POLQ: variants seen among roughly 807,000 people sequenced by gnomAD.
The protein encoded by POLQ is epididymis secretory sperm binding protein.
Under a neutral mutation model 259.2 loss-of-function variants are expected in POLQ, and 233 were observed. The ratio of observed to expected loss-of-function variants is 0.90; its 90% CI spans 0.81 to 1.00. POLQ has a LOEUF of 1.00. Ranked by LOEUF, POLQ falls within the 50% of genes least tolerant of loss-of-function variation. The pLI, the probability that POLQ is intolerant of heterozygous loss-of-function variation, is 0.00. For missense variants in POLQ, 2,871 were observed against 3,051.6 expected, an observed-to-expected ratio of 0.94 and a Z score of 1.39; for synonymous variants, 1,025 against 1,048.8, an observed-to-expected ratio of 0.98 and a Z score of 0.44.
At chr3:121,464,075 GT>G (rs1216836936) in intron 24 of POLQ, among the ~76,000 whole-genome samples, 3 of 152,078 alleles carry the variant, frequency 2.0e-5, no homozygotes, top group Non-Finnish European at 4.4e-5. Context: ...CATTTGCCAA[GT>G]ATTCAGTAAT....
intron 25 of POLQ, among the ~76,000 whole-genome samples, chr3:121,452,155 G>A (rs2047683524): frequency 6.6e-6 from 1 of 152,192 alleles, no homozygotes; most frequent in Non-Finnish European, 1.5e-5. Flanking sequence ...ATTAGGGTGG[G>A]AGTGACCCGA....
At chr3:121,452,569 G>A (rs541058604) in intron 25 of POLQ, among the ~76,000 whole-genome samples, 30 of 150,592 alleles carry the variant, frequency 2.0e-4, no homozygotes, top group Admixed American at 1.1e-3. Flanking sequence ...GTGGTTCAGT[G>A]CATGGTGACA....
At chr3:121,464,534 T>C (rs1486638324) in intron 24 of POLQ, among the ~76,000 whole-genome samples, 1 of 152,216 alleles carries the variant, frequency 6.6e-6, no homozygotes, top group Non-Finnish European at 1.5e-5. Flanking sequence ...AGTCGCTTTT[T>C]TATTTAAGTA....
At chr3:121,539,262 A>C (rs1010756299) in intron 4 of POLQ, among the ~76,000 whole-genome samples, 171 bp downstream of exon 4, 1 of 152,208 alleles carries the variant, frequency 6.6e-6, no homozygotes, top group Non-Finnish European at 1.5e-5. Flanking sequence ...GCAGCAGGAC[A>C]CAAAACTTAT....
At chr3:121,536,953 G>A in intron 5 of POLQ, 147 bp downstream of exon 5, 1 of 590,734 alleles carries the variant, frequency 1.7e-6, no homozygotes, top group Non-Finnish European at 3.0e-6. Context: ...CTGACTTCTG[G>A]AACAAAAACA....
At position 121,541,360 on chromosome 3, in the gene POLQ, A is replaced by G. The variant is rs554479634; in HGVS notation, c.463T>C (p.Tyr155His). The G allele has an allele frequency of 3.1e-6, 5 of 1,600,622 alleles. No individual in the cohort carries two copies. The African/African-American group carries it at 5.4e-5, about 17-fold the overall frequency. The change falls in exon 3 of 30, where the codon TAC becomes CAC. Residue 155 changes from tyrosine (Y) to histidine (H), a missense_variant. This residue lies in a region of POLQ where 783 missense variants were observed against 906.2 expected (regional missense o/e 0.86). Coordinates refer to ENST00000264233, the MANE Select transcript of POLQ (RefSeq NM_199420.4). ...PFVSVAKEKK[Y>H]YLQSLFQEVG... is the part of the protein sequence containing the mutation. ...GTAAAAAACATTACCTGGAGGTAGT[A>G]TTTCTTCTCTTTAGCCACAGAAACA...
At chr3:121,454,133 G>A (rs969586029) in intron 25 of POLQ, among the ~76,000 whole-genome samples, 18 of 152,296 alleles carry the variant, frequency 1.2e-4, no homozygotes, top group African/African-American at 4.3e-4. Context: ...GCCAAACTAA[G>A]CTTCATTAAG....
intron 9 of POLQ, 58 bp from the exon 10 acceptor site, chr3:121,512,087 TAA>T: frequency 1.4e-6 from 2 of 1,437,586 alleles, no homozygotes; most frequent in South Asian, 1.2e-5. Flanking sequence ...AGATATCTGC[TAA>T]AGAGATTTTA....
rs372225015 is a variant in POLQ, at chr3:121,509,146, T to C, written c.1959+415A>G. On this transcript the variant is annotated intron_variant, in intron 12 of 29. Coordinates refer to ENST00000264233, the MANE Select transcript of POLQ (RefSeq NM_199420.4). ...ACTAATCAAGCTTTCCTCTTTCTTT[T>C]AGTTGCTAGAAAACCCAGAATCAAA... Among the ~76,000 whole-genome samples, 11 of 152,310 alleles carry C rather than the reference T, an allele frequency of 7.2e-5. No individual in the cohort carries two copies. The East Asian group carries it at 9.6e-4, about 13-fold the overall frequency.
At chr3:121,543,726 G>A (rs565895322) in intron 2 of POLQ, among the ~76,000 whole-genome samples, 1 of 152,310 alleles carries the variant, frequency 6.6e-6, no homozygotes, top group South Asian at 2.1e-4. Context: ...GCTCATGCCT[G>A]TAATCCCAGG....
chr3:121,487,544 T>C lies in POLQ; in HGVS notation c.5387A>G (p.Asn1796Ser), dbSNP rs144061552. 5.6e-5 allele frequency: 90 copies of C among 1,613,986 alleles called. No homozygotes were observed. The highest frequency in any genetic ancestry group is 7.2e-5 in the Non-Finnish European group (85 of 1,179,966). Residue 1796 changes from asparagine (N) to serine (S), a missense_variant, in exon 16 of 30, where the codon AAC becomes AGC. This residue lies in a region of POLQ where 2,080 missense variants were observed against 2,126.0 expected (regional missense o/e 0.98). Transcript: ENST00000264233. ...AAAGCTTGTGTCACTAATAGGGCTG[T>C]TGTCTTTGAACCCATTTCTACTCCC... Reference protein sequence around the residue: ...SPGSRNGFKDNSPISDTSFSL... With the variant: ...SPGSRNGFKDSSPISDTSFSL...
intron 16 of POLQ, among the ~76,000 whole-genome samples, chr3:121,486,538 C>A (rs545569423): frequency 3.3e-5 from 5 of 150,416 alleles, no homozygotes; most frequent in Non-Finnish European, 5.9e-5. Flanking sequence ...TGGCCAATAG[C>A]GAGATTCTGT....
chr3:121,522,628 A>G (rs1274389749), intron 7 of POLQ, among the ~76,000 whole-genome samples: 1 of 152,112 alleles, frequency 6.6e-6, no homozygotes, highest in Admixed American at 6.5e-5. Context: ...TTTTAAGAAT[A>G]CTGATGCCTG....
In POLQ at chr3:121,529,750, A is replaced by C; in HGVS notation, c.1003T>G (p.Cys335Gly). The C allele has an allele frequency of 6.2e-7, 1 of 1,612,572 alleles. No homozygotes were observed. Among genetic ancestry groups the C allele is most frequent in the Non-Finnish European group, 8.5e-7 (1 of 1,179,030 alleles). ...HVVSLCYETI[C>G]DNHSVLLFCP... Reference sequence around the variant, plus strand: ...AAAAGTAATACTGAATGGTTATCACAAATCGTCTCATAACATAAACTAACA... The same window carrying C: ...AAAAGTAATACTGAATGGTTATCACCAATCGTCTCATAACATAAACTAACA... Residue 335 changes from cysteine (C) to glycine (G), a missense_variant, in exon 7 of 30, where the codon TGT (cysteine) becomes GGT (glycine). Physicochemically the swap from Cys to Gly is radical, Grantham distance 159 (BLOSUM62 -3). Coordinates refer to ENST00000264233, the MANE Select transcript of POLQ (RefSeq NM_199420.4).
chr3:121,442,632 T>C (rs903674706), intron 26 of POLQ, among the ~76,000 whole-genome samples: 58 of 152,220 alleles, frequency 3.8e-4, no homozygotes, highest in African/African-American at 1.4e-3. Flanking sequence ...CTCATTCTTT[T>C]CTATGGCTGG....
rs1289568676 is a variant in POLQ, at chr3:121,519,879, T to C, written c.1460A>G (p.Asp487Gly). The C allele has an allele frequency of 3.2e-6, 5 of 1,538,548 alleles. No individual in the cohort carries two copies. The highest frequency in any genetic ancestry group is 4.5e-5 in the East Asian group (2 of 44,494). Residue 487 changes from aspartate (D) to glycine (G), a missense_variant, in exon 9 of 30, where the codon GAC becomes GGC. Coordinates refer to ENST00000264233, the MANE Select transcript of POLQ (RefSeq NM_199420.4). ...AATTCAAACTCACTTACCTACTGTG[T>C]CCACTCCTTTCCTGCCAGCACGGCC... The part of the protein sequence containing the change: ...MVGRAGRKGV[D>G]TVGESILICK...
At position 121,493,005 on chromosome 3, in the gene POLQ, T is replaced by C. The variant is rs368059073; in HGVS notation, c.2522+473A>G. Among the ~76,000 whole-genome samples, 12 of 152,046 alleles carry C rather than the reference T, an allele frequency of 7.9e-5. No individual in the cohort carries two copies. The East Asian group carries it at 1.4e-3, about 17-fold the overall frequency. On this transcript the variant is annotated intron_variant, in intron 15 of 29. Transcript: ENST00000264233. Reference sequence around the variant, plus strand: ...TGTATTATTTTTTAAATATACAAAATAAAAAGTAATCTGCAGCCGGGCACT... The same window carrying C: ...TGTATTATTTTTTAAATATACAAAACAAAAAGTAATCTGCAGCCGGGCACT...
At chr3:121,469,514 C>A (rs1272014160) in intron 22 of POLQ, among the ~76,000 whole-genome samples, 1 of 152,074 alleles carries the variant, frequency 6.6e-6, no homozygotes, top group Non-Finnish European at 1.5e-5. Context: ...TAGCTTTTAG[C>A]ACAAAATAAG....
chr3:121,528,347 T>A (rs947758680), intron 7 of POLQ, among the ~76,000 whole-genome samples: 7 of 150,860 alleles, frequency 4.6e-5, no homozygotes, highest in African/African-American at 1.7e-4. Context: ...AATTTTAATT[T>A]TTTTTTTTTT....
Sources: gnomAD v4.1 joint callset for allele counts (sites outside exome capture counted in the v4.1 genomes callset) on GRCh38, gnomAD v4.1.1 for gene constraint, gnomAD v4.1.1 regional missense constraint, MANE v1.5 for transcripts, NCBI Gene and HGNC (gene_info 2026-07-23, HGNC 2026-07-21) for gene names.